TAOK3: variants seen among roughly 807,000 people sequenced by gnomAD.
TAOK3 encodes the protein serine/threonine-protein kinase TAO3.
Under a neutral mutation model 120.4 loss-of-function variants are expected in TAOK3, and 40 were observed. The ratio of observed to expected loss-of-function variants is 0.33; its 90% CI spans 0.26 to 0.43. The LOEUF (loss-of-function observed/expected upper bound fraction) is 0.43. TAOK3 is among the 20% of genes least tolerant of loss of function. TAOK3 has a pLI of 1.00. For missense variants in TAOK3, 821 were observed against 1,112.1 expected, an observed-to-expected ratio of 0.74 and a Z score of 3.72; for synonymous variants, 355 against 387.5, an observed-to-expected ratio of 0.92 and a Z score of 0.99.
chr12:118,352,408 G>A (rs1253152237), intron 1 of TAOK3, among the ~76,000 whole-genome samples: 1 of 151,512 alleles, frequency 6.6e-6, no homozygotes, highest in Non-Finnish European at 1.5e-5. Context: ...GGAGGCTGAG[G>A]TAGGGAGAAT....
intron 8 of TAOK3, among the ~76,000 whole-genome samples, chr12:118,234,541 G>C (rs1195879064): frequency 6.6e-6 from 1 of 152,108 alleles, no homozygotes; most frequent in Non-Finnish European, 1.5e-5. Context: ...ACCGCGCCTG[G>C]AGTCTTTTTT....
chr12:118,174,221 AT>A (rs2036183346), intron 16 of TAOK3, among the ~76,000 whole-genome samples: 1 of 152,174 alleles, frequency 6.6e-6, no homozygotes, highest in Non-Finnish European at 1.5e-5. Context: ...TAATGAAAAA[AT>A]TTTTTTGTCA....
rs548047453 is a variant in TAOK3 at position 118,246,495 on chromosome 12, G to C, written c.121-1530C>G. ...TATCGGGGACTACAATGGCCACGTCGGTCTGGGTGTTAAGTGCTCCAAGGA... is the reference window on the plus strand; with the variant it reads ...TATCGGGGACTACAATGGCCACGTCCGTCTGGGTGTTAAGTGCTCCAAGGA... On this transcript the variant is annotated intron_variant, in intron 3 of 20. Transcript: ENST00000392533. 2.6e-6 allele frequency: 4 copies of C among 1,559,176 alleles called. No homozygotes were observed. In the South Asian group the frequency reaches 3.4e-5, roughly 13 times the overall value.
intron 1 of TAOK3, among the ~76,000 whole-genome samples, chr12:118,322,312 CAAAAAAAAA>C (rs372010412): frequency 1.5e-5 from 1 of 65,872 alleles, no homozygotes; most frequent in Non-Finnish European, 2.9e-5. Context: ...GAGACTGTCT[CAAAAAAAAA>C]AAAAAAAAAA....
chr12:118,274,416 C>T (rs143572263), intron 1 of TAOK3, among the ~76,000 whole-genome samples: 33 of 152,138 alleles, frequency 2.2e-4, no homozygotes, highest in African/African-American at 7.5e-4. Context: ...ACAATGATAA[C>T]CTTTAGACTA....
In TAOK3 at chr12:118,171,352, T is replaced by TTTTG. The variant is rs555773415; in HGVS notation, c.1899+1101_1899+1104dup. 8.6e-4 allele frequency among the ~76,000 whole-genome samples: 131 copies of TTTTG among 152,232 alleles called. 1 individual carries two copies. The South Asian group carries it at 0.014, about 16-fold the overall frequency. On this transcript the variant is annotated intron_variant, in intron 17 of 20. Coordinates refer to ENST00000392533, the MANE Select transcript of TAOK3 (RefSeq NM_016281.4). ...CTCTATCATACTGAAGCACTAATTCTTTTGTTTGTTTGTTTGTTTGTTTGA... is the reference window on the plus strand; with the variant it reads ...CTCTATCATACTGAAGCACTAATTCTTTTGTTTGTTTGTTTGTTTGTTTGTTTGA...
intron 8 of TAOK3, among the ~76,000 whole-genome samples, chr12:118,234,567 G>C (rs2039943583): frequency 2.0e-5 from 3 of 151,992 alleles, no homozygotes; most frequent in Admixed American, 2.0e-4. Flanking sequence ...TTGTTGTTGA[G>C]AGTCTTACTT....
intron 1 of TAOK3, among the ~76,000 whole-genome samples, chr12:118,337,166 T>A (rs1369445855): frequency 6.6e-6 from 1 of 152,208 alleles, no homozygotes; most frequent in Non-Finnish European, 1.5e-5. Context: ...GATGTTCAAT[T>A]TTGTTAACTA....
intron 1 of TAOK3, 95 bp from the exon 2 acceptor site, chr12:118,266,854 A>AT: frequency 2.6e-6 from 1 of 384,056 alleles, no homozygotes; most frequent in Non-Finnish European, 4.6e-6. Flanking sequence ...CAAATGTAAT[A>AT]TTACAAAGTT....
chr12:118,189,055 G>A (rs1157939652), intron 14 of TAOK3, among the ~76,000 whole-genome samples: 1 of 152,192 alleles, frequency 6.6e-6, no homozygotes, highest in African/African-American at 2.4e-5. Flanking sequence ...AATCACATTT[G>A]CAATAGTAAA....
intron 19 of TAOK3, among the ~76,000 whole-genome samples, chr12:118,156,287 A>G (rs2034820483): frequency 6.6e-6 from 1 of 152,160 alleles, no homozygotes; most frequent in Non-Finnish European, 1.5e-5. Flanking sequence ...ACCTTCCAGC[A>G]GCATTTGGTA....
intron 1 of TAOK3, among the ~76,000 whole-genome samples, chr12:118,333,834 T>TAAAA (rs201739458): frequency 2.2e-5 from 3 of 135,456 alleles, no homozygotes; most frequent in African/African-American, 8.0e-5. Flanking sequence ...GGGTATTTTA[T>TAAAA]AAAAAAAAAA....
intron 2 of TAOK3, among the ~76,000 whole-genome samples, chr12:118,259,717 G>A (rs1487154481): frequency 6.6e-6 from 1 of 152,170 alleles, no homozygotes; most frequent in Non-Finnish European, 1.5e-5. Context: ...CTGCAGAGAG[G>A]GGAAATCCAG....
At chr12:118,153,159 C>T (rs985969571) in intron 19 of TAOK3, among the ~76,000 whole-genome samples, 4 of 152,144 alleles carry the variant, frequency 2.6e-5, no homozygotes, top group Non-Finnish European at 4.4e-5. Context: ...GTTATCTCAG[C>T]GCTTTGGGAG....
intron 1 of TAOK3, among the ~76,000 whole-genome samples, chr12:118,333,369 A>C (rs1049404037): frequency 6.6e-6 from 1 of 152,198 alleles, no homozygotes; most frequent in African/African-American, 2.4e-5. Context: ...AAATTAACAC[A>C]TTTCTAAACA....
intron 20 of TAOK3, among the ~76,000 whole-genome samples, 171 bp from the exon 21 acceptor site, chr12:118,151,329 G>A (rs1256778433): frequency 6.7e-6 from 1 of 150,014 alleles, no homozygotes; most frequent in African/African-American, 2.5e-5. Flanking sequence ...AGGAACTACG[G>A]GAGGACCGAG....
At chr12:118,324,734 CTTTTTTTTTTTTT>C (rs35462737) in intron 1 of TAOK3, among the ~76,000 whole-genome samples, 4 of 69,584 alleles carry the variant, frequency 5.7e-5, no homozygotes, top group African/African-American at 6.1e-5. Flanking sequence ...GAATTTCATT[CTTTTTTTTTTTTT>C]TTTTTTTTTT....
At chr12:118,343,085 A>G (rs902782975) in intron 1 of TAOK3, among the ~76,000 whole-genome samples, 1 of 152,056 alleles carries the variant, frequency 6.6e-6, no homozygotes, top group Non-Finnish European at 1.5e-5. Flanking sequence ...CAAATTCTAG[A>G]TAGCATTTCA....
chr12:118,152,605 A>G lies in TAOK3; in HGVS notation c.2353-196T>C, dbSNP rs1427973145. 5.5e-6 allele frequency: 3 copies of G among 546,272 alleles called. No homozygotes were observed. The African/African-American group carries it at 5.6e-5, about 10-fold the overall frequency. The allele number at this position is 546,272 out of a possible 1,614,324, so 33.8% of individuals were successfully genotyped here. A position where few individuals can be genotyped will look rare whatever the true frequency, so the allele number is the denominator to read the frequency against. ...AGTCTGCCCAATGGGCTACAATACC[A>G]AACACATTCTTTTCAGTATGATCTG... On this transcript the variant is annotated intron_variant, in intron 19 of 20. Coordinates refer to ENST00000392533, the MANE Select transcript of TAOK3 (RefSeq NM_016281.4).
Sources: allele counts gnomAD v4.1 joint callset (sites outside exome capture counted in the v4.1 genomes callset), GRCh38; gene constraint gnomAD v4.1.1; transcripts MANE v1.5; gene names NCBI Gene and HGNC (gene_info 2026-07-23, HGNC 2026-07-21).